The following ITFG1 variants were observed in gnomAD, a reference collection of about 807,000 sequenced individuals.
ITFG1 encodes the protein T-cell immunomodulatory protein.
ITFG1 carries 34 observed loss-of-function variants against 81.8 expected under a neutral mutation model. The observed-to-expected ratio is 0.42, with a 90% CI of 0.32 to 0.55. The LOEUF is 0.55. ITFG1 is among the 20% of genes least tolerant of loss of function. The pLI, the probability that ITFG1 is intolerant of heterozygous loss-of-function variation, is 0.17. For synonymous variants in ITFG1, 285 were observed against 270.6 expected (o/e 1.05, Z -0.52); for missense variants, 672 against 755.4 (o/e 0.89, Z 1.29).
chr16:47,448,314 G>C (rs1485748573), intron 5 of ITFG1: 1 of 152,120 alleles, frequency 6.6e-6, no homozygotes, highest in Non-Finnish European at 1.5e-5. Context: ...AATATGAAAG[G>C]CTAAATGGAA....
intron 5 of ITFG1, among the ~76,000 whole-genome samples, chr16:47,438,356 A>G (rs1013240303): frequency 6.6e-6 from 1 of 152,210 alleles, no homozygotes; most frequent in Non-Finnish European, 1.5e-5. Flanking sequence ...CCAGGCATGC[A>G]GCTTGAGATC....
chr16:47,222,664 C>T (rs1466614649), intron 13 of ITFG1, among the ~76,000 whole-genome samples: 1 of 152,188 alleles, frequency 6.6e-6, no homozygotes, highest in East Asian at 1.9e-4. Flanking sequence ...CCGCCTGCCT[C>T]GGCCTCCCAA....
chr16:47,310,437 T>C (rs1967239652), intron 10 of ITFG1, among the ~76,000 whole-genome samples: 1 of 152,194 alleles, frequency 6.6e-6, no homozygotes, highest in African/African-American at 2.4e-5. Context: ...ATATAATTAA[T>C]TGTGAGATGA....
At chr16:47,329,790 T>C (rs1752347130) in intron 8 of ITFG1, among the ~76,000 whole-genome samples, 1 of 152,136 alleles carries the variant, frequency 6.6e-6, no homozygotes, top group African/African-American at 2.4e-5. Flanking sequence ...AACACAGATT[T>C]AGTAAGAGGC....
At position 47,218,918 on chromosome 16, in the gene ITFG1, T is replaced by G; in HGVS notation, c.1403A>C (p.Tyr468Ser). The G allele has an allele frequency of 6.2e-7, 1 of 1,602,916 alleles. No homozygotes were observed. Among genetic ancestry groups the G allele is most frequent in the Non-Finnish European group, 8.5e-7 (1 of 1,174,408 alleles). The change falls in exon 14 of 18, where the codon TAT becomes TCT. Residue 468 changes from tyrosine (Y) to serine (S), a missense_variant. Transcript: ENST00000320640. ...TGCATCTACAGTTGTATACATGATA[T>G]AAGGTCCAGGTTGATTCACTCCAAA... ...TPFGVNQPGPYIMYTTVDANG... is the reference protein window; with the variant it reads ...TPFGVNQPGPSIMYTTVDANG...
rs545673060 is a variant in ITFG1, at chr16:47,402,034, G to A, written c.656-26094C>T. Among the ~76,000 whole-genome samples the A allele has an allele frequency of 8.6e-4, 131 of 152,140 alleles. 1 individual carries two copies. Among genetic ancestry groups the A allele is most frequent in the African/African-American group, 3.0e-3 (125 of 41,500 alleles). ...CTCGTTTATTTTCTCATCCCCAAGG[G>A]GCTGCAAACTCCACAGGGCAGAGAC... On this transcript the variant is annotated intron_variant, in intron 6 of 17. Transcript: ENST00000320640.
At position 47,313,034 on chromosome 16, in the gene ITFG1, T is replaced by C. The variant is rs534668206; in HGVS notation, c.897+695A>G. 2.6e-5 allele frequency: 4 copies of C among 152,310 alleles called. No homozygotes were observed. The South Asian group carries it at 8.3e-4, about 32-fold the overall frequency. 9.4% of individuals were successfully genotyped at this position (152,310 alleles called of 1,614,324 possible). On this transcript the variant is annotated intron_variant, in intron 9 of 17. Coordinates refer to ENST00000320640, the MANE Select transcript of ITFG1 (RefSeq NM_030790.5). ...TTTTCATTTATTTTATTTTTAAGGC[T>C]AATAAAGTGAAGCTTTGGGGGTAGA...
At chr16:47,397,117 G>A (rs1968603715) in intron 6 of ITFG1, among the ~76,000 whole-genome samples, 1 of 152,344 alleles carries the variant, frequency 6.6e-6, no homozygotes, top group East Asian at 1.9e-4. Flanking sequence ...TAATTTGAAA[G>A]TGGTACTGGG....
intron 8 of ITFG1, among the ~76,000 whole-genome samples, chr16:47,349,783 A>G (rs1967922119): frequency 6.6e-6 from 1 of 152,216 alleles, no homozygotes; most frequent in South Asian, 2.1e-4. Context: ...CACCACACCT[A>G]TTCCAAAACT....
At chr16:47,158,328 C>T (rs544990118) in intron 17 of ITFG1, among the ~76,000 whole-genome samples, 224 of 152,236 alleles carry the variant, frequency 1.5e-3, no homozygotes, top group Non-Finnish European at 2.6e-3. Flanking sequence ...CTCCTGAGCT[C>T]CAGCAATCTG....
chr16:47,454,770 T>C (rs1402100100), intron 2 of ITFG1, among the ~76,000 whole-genome samples: 1 of 152,134 alleles, frequency 6.6e-6, no homozygotes, highest in East Asian at 1.9e-4. Context: ...ATATTTTTAT[T>C]AACAAAATAA....
Position 47,460,876 on chromosome 16 carries a change from T to G in ITFG1, c.170A>C (p.Asn57Thr). 3 of 1,613,488 alleles carry G rather than the reference T, an allele frequency of 1.9e-6. No homozygotes were observed. The South Asian group carries it at 3.3e-5, about 18-fold the overall frequency. Residue 57 changes from asparagine (N) to threonine (T), a missense_variant, in exon 1 of 18, where the codon AAC becomes ACC. Physicochemically the swap from Asn to Thr is moderately conservative, Grantham distance 65 (BLOSUM62 0). Coordinates refer to ENST00000320640, the MANE Select transcript of ITFG1 (RefSeq NM_030790.5). ...WGTLAAFGDL[N>T]SDKQTDLFVL... ...GAAGAGATCCGTCTGCTTGTCGGAGTTGAGGTCCCCGAAAGCCGCAAGGGT... is the reference window on the plus strand; with the variant it reads ...GAAGAGATCCGTCTGCTTGTCGGAGGTGAGGTCCCCGAAAGCCGCAAGGGT...
At chr16:47,162,838 G>T in intron 14 of ITFG1, 174 bp from the exon 15 acceptor site, 1 of 528,502 alleles carries the variant, frequency 1.9e-6, no homozygotes, top group Non-Finnish European at 3.2e-6. Context: ...CTTTTTTTGA[G>T]ACATGGTCTC....
intron 12 of ITFG1, among the ~76,000 whole-genome samples, chr16:47,249,785 T>C (rs564162210): frequency 6.6e-6 from 1 of 152,346 alleles, no homozygotes; most frequent in African/African-American, 2.4e-5. Flanking sequence ...ATTTAAAGTA[T>C]AAAAATTTGG....
intron 7 of ITFG1, among the ~76,000 whole-genome samples, chr16:47,374,113 G>A (rs1968294016): frequency 6.6e-6 from 1 of 152,078 alleles, no homozygotes; most frequent in African/African-American, 2.4e-5. Flanking sequence ...CTGCTCATTG[G>A]TTATAACATC....
chr16:47,384,727 C>T (rs898169676), intron 6 of ITFG1, among the ~76,000 whole-genome samples: 1 of 152,170 alleles, frequency 6.6e-6, no homozygotes, highest in African/African-American at 2.4e-5. Context: ...CCAACTGATT[C>T]AAACATCTTT....
intron 6 of ITFG1, among the ~76,000 whole-genome samples, chr16:47,388,366 A>C (rs1968488725): frequency 6.6e-6 from 1 of 152,224 alleles, no homozygotes; most frequent in South Asian, 2.1e-4. Context: ...GTGATGCAGA[A>C]TAAATGCAAA....
At position 47,155,748 on chromosome 16, in the gene ITFG1, C is replaced by A. The variant is rs1964692917; in HGVS notation, c.1810G>T (p.Ala604Ser). The A allele has an allele frequency of 6.2e-7, 1 of 1,604,446 alleles. No homozygotes were observed. Among genetic ancestry groups the A allele is most frequent in the Admixed American group, 1.7e-5 (1 of 58,832 alleles). ...ATAGCATCAAAATGAAACCGGTGGG[C>A]TTCTTGTCGTTTTTCTCTATCATCT... Reference protein sequence around the residue: ...KADDREKRQEAHRFHFDAM With the variant: ...KADDREKRQESHRFHFDAM Residue 604 changes from alanine (A) to serine (S), a missense_variant, in exon 18 of 18, where the codon GCC (alanine) becomes TCC (serine). Ala to Ser is a moderately conservative substitution (Grantham distance 99). Coordinates refer to ENST00000320640, the MANE Select transcript of ITFG1 (RefSeq NM_030790.5).
intron 2 of ITFG1, among the ~76,000 whole-genome samples, chr16:47,455,865 T>C (rs908706577): frequency 7.4e-6 from 1 of 135,594 alleles, no homozygotes; most frequent in African/African-American, 2.8e-5. Context: ...CAAAACTAAA[T>C]GATAAAAATA....
Sources: allele counts gnomAD v4.1 joint callset (sites outside exome capture counted in the v4.1 genomes callset), GRCh38; gene constraint gnomAD v4.1.1; transcripts MANE v1.5; gene names NCBI Gene and HGNC (gene_info 2026-07-23, HGNC 2026-07-21).